Variants in LMF1 observed in about 807,000 individuals in gnomAD.
LMF1 encodes transmembrane protein 112.
A neutral mutation model predicts 60.6 loss-of-function variants in LMF1; 68 were observed. That is an observed-to-expected ratio of 1.12 (90% CI 0.92 to 1.37). The LOEUF (loss-of-function observed/expected upper bound fraction) is 1.37. LMF1 is among the 40% of genes most tolerant of loss of function. LMF1 has a pLI of 0.00. For missense variants in LMF1, 948 were observed against 767.2 expected (o/e 1.24, Z -2.78); for synonymous variants, 418 against 324.7 (o/e 1.29, Z -3.09).
intron 8 of LMF1, among the ~76,000 whole-genome samples, 157 bp from the exon 9 acceptor site, chr16:870,223 T>G (rs1596861643): frequency 6.6e-6 from 1 of 152,064 alleles, no homozygotes; most frequent in Non-Finnish European, 1.5e-5. Flanking sequence ...AGAGGCTGGG[T>G]GGGGCTGAGG....
intron 10 of LMF1, chr16:855,494 G>A (rs966765329): frequency 1.1e-5 from 4 of 357,334 alleles, no homozygotes; most frequent in African/African-American, 4.3e-5. Context: ...ATTTTCTCCT[G>A]GGGGTGGGAC....
At chr16:885,299 G>A (rs2070274678) in intron 5 of LMF1, among the ~76,000 whole-genome samples, 1 of 152,178 alleles carries the variant, frequency 6.6e-6, no homozygotes, top group Non-Finnish European at 1.5e-5. Context: ...TAATCCAGAG[G>A]AAGGTGTAAA....
At chr16:862,607 C>A (rs555955563) in intron 10 of LMF1, among the ~76,000 whole-genome samples, 4 of 152,206 alleles carry the variant, frequency 2.6e-5, no homozygotes, top group Admixed American at 1.3e-4. Context: ...CTTGTAATCC[C>A]AGCACTTTGG....
intron 4 of LMF1, among the ~76,000 whole-genome samples, chr16:894,333 C>A (rs2070596823): frequency 6.6e-6 from 1 of 151,816 alleles, no homozygotes; most frequent in African/African-American, 2.4e-5. Flanking sequence ...CACCCGTCCC[C>A]CTGTCCACCG....
intron 10 of LMF1, among the ~76,000 whole-genome samples, chr16:857,060 G>A (rs1245554047): frequency 1.3e-5 from 2 of 152,244 alleles, no homozygotes; most frequent in Admixed American, 6.5e-5. Context: ...CGATTCTCAC[G>A]CCAATTCTCA....
In LMF1 at chr16:893,431, T is replaced by C. The variant is rs999006892; in HGVS notation, c.664-359A>G. 1.2e-4 allele frequency: 54 copies of C among 461,184 alleles called. 2 individuals are homozygous for C. The highest frequency in any genetic ancestry group is 8.4e-4 in the South Asian group (54 of 64,576). The allele number at this position is 461,184 out of a possible 1,614,324, so 28.6% of individuals were successfully genotyped here. Reference sequence around the variant, plus strand: ...CGCCCTGCACAGACCCCACGGACAGTGTCAGAGGGAAGCTTCTCAGTGCCT... The same window carrying C: ...CGCCCTGCACAGACCCCACGGACAGCGTCAGAGGGAAGCTTCTCAGTGCCT... On this transcript the variant is annotated intron_variant, in intron 4 of 10. Coordinates refer to ENST00000262301, the MANE Select transcript of LMF1 (RefSeq NM_022773.4).
chr16:875,829 C>T (rs1407224287), intron 6 of LMF1, among the ~76,000 whole-genome samples: 12 of 152,304 alleles, frequency 7.9e-5, no homozygotes, highest in East Asian at 7.7e-4. Context: ...GCACAGCCCA[C>T]GCAGGAGGTG....
rs952875453 is a variant in LMF1 at position 860,835 on chromosome 16, A to T, written c.1530-6129T>A. On this transcript the variant is annotated intron_variant, in intron 10 of 10. Transcript: ENST00000262301. ...TCTCTGTTGTGTTCCATGGAATTGC[A>T]TGTCTGTCCCTCTGTCAATACTACA... Among the ~76,000 whole-genome samples, 42 of 152,152 alleles carry T rather than the reference A, an allele frequency of 2.8e-4. 1 individual carries two copies. Among genetic ancestry groups the T allele is most frequent in the Non-Finnish European group, 1.2e-4 (8 of 68,038 alleles).
At chr16:910,386 C>T (rs1045120161) in intron 4 of LMF1, among the ~76,000 whole-genome samples, 4 of 152,154 alleles carry the variant, frequency 2.6e-5, no homozygotes, top group African/African-American at 9.7e-5. Flanking sequence ...ACAGTCTGGT[C>T]GTCCTGAGAG....
intron 6 of LMF1, chr16:873,757 C>T (rs1596872507): frequency 1.3e-5 from 2 of 152,370 alleles, no homozygotes; most frequent in South Asian, 4.1e-4. Context: ...GAGATGAGGG[C>T]AGAAGAACAT....
intron 3 of LMF1, among the ~76,000 whole-genome samples, chr16:912,199 G>T (rs914208363): frequency 6.6e-6 from 1 of 152,132 alleles, no homozygotes; most frequent in Non-Finnish European, 1.5e-5. Context: ...GCGGATGGGA[G>T]AGTGCGGAGG....
chr16:922,484 C>A (rs534396127), intron 3 of LMF1, among the ~76,000 whole-genome samples: 1 of 152,358 alleles, frequency 6.6e-6, no homozygotes, highest in African/African-American at 2.4e-5. Flanking sequence ...GGACAAACAG[C>A]TGAGAAAAGG....
intron 1 of LMF1, among the ~76,000 whole-genome samples, chr16:965,262 A>G (rs1340559191): frequency 6.6e-6 from 1 of 151,984 alleles, no homozygotes; most frequent in Non-Finnish European, 1.5e-5. Context: ...GTTTCAGCCC[A>G]CGCTACGAAG....
intron 1 of LMF1, among the ~76,000 whole-genome samples, chr16:969,717 GC>G (rs1412961168): frequency 6.6e-6 from 1 of 152,208 alleles, no homozygotes; most frequent in East Asian, 1.9e-4. Context: ...CTGCCCACGC[GC>G]CCCGCTGGCT....
intron 4 of LMF1, among the ~76,000 whole-genome samples, chr16:893,839 G>A (rs1261412193): frequency 6.6e-6 from 1 of 152,084 alleles, no homozygotes; most frequent in Non-Finnish European, 1.5e-5. Context: ...AATCACCGCT[G>A]AGACACAGAT....
At chr16:858,811 G>A (rs2069308036) in intron 10 of LMF1, among the ~76,000 whole-genome samples, 1 of 100,104 alleles carries the variant, frequency 1.0e-5, no homozygotes, top group East Asian at 2.9e-4. Flanking sequence ...GTGGTGTCTC[G>A]GGACGGGTGT....
At chr16:926,801 G>T (rs1354670396) in intron 3 of LMF1, among the ~76,000 whole-genome samples, 1 of 152,160 alleles carries the variant, frequency 6.6e-6, no homozygotes, top group Non-Finnish European at 1.5e-5. Context: ...GCAGGTCACA[G>T]CCAGGATGTC....
At chr16:954,709 C>T (rs1449794343) in intron 1 of LMF1, 43 bp from the exon 2 acceptor site, 1 of 1,534,388 alleles carries the variant, frequency 6.5e-7, no homozygotes, top group Non-Finnish European at 8.8e-7. Context: ...TAGGAACAAA[C>T]CACATGTGGA....
intron 6 of LMF1, among the ~76,000 whole-genome samples, chr16:875,584 G>T (rs2069949075): frequency 6.6e-6 from 1 of 152,126 alleles, no homozygotes; most frequent in South Asian, 2.1e-4. Context: ...GGCAGTGGTG[G>T]AACTGGCCAG....
Sources: gnomAD v4.1 joint callset for allele counts (sites outside exome capture counted in the v4.1 genomes callset) on GRCh38, gnomAD v4.1.1 for gene constraint, MANE v1.5 for transcripts, NCBI Gene and HGNC (gene_info 2026-07-23, HGNC 2026-07-21) for gene names.